The following BLVRA variants were observed in gnomAD, a reference collection of about 807,000 sequenced individuals.
BLVRA encodes the protein biliverdin reductase A, also known as BVR A.
BLVRA carries 22 observed loss-of-function variants against 32.8 expected under a neutral mutation model. That is an observed-to-expected ratio of 0.67 (90% CI 0.48 to 0.96). The LOEUF (loss-of-function observed/expected upper bound fraction) is 0.96. Among genes scored for constraint, BLVRA ranks in the 40% least tolerant of loss-of-function variants. BLVRA has a pLI of 0.00. For missense variants in BLVRA, 323 were observed against 358.1 expected (o/e 0.90, Z 0.79); for synonymous variants, 119 against 141.3 (o/e 0.84, Z 1.12).
chr7:43,790,963 G>A (rs550606693), intron 3 of BLVRA, among the ~76,000 whole-genome samples: 15 of 152,278 alleles, frequency 9.9e-5, no homozygotes, highest in Middle Eastern at 3.4e-3. Flanking sequence ...TTGAGCCACC[G>A]CGCCCAGCTG....
At chr7:43,796,515 A>C (rs1213447004) in intron 5 of BLVRA, among the ~76,000 whole-genome samples, 2 of 152,228 alleles carry the variant, frequency 1.3e-5, no homozygotes, top group African/African-American at 4.8e-5. Context: ...ATGCAAAAGA[A>C]TGAAGTTGGA....
chr7:43,807,139 G>C lies in BLVRA; in HGVS notation c.795G>C (p.Gln265His). Residue 265 changes from glutamine to histidine, a missense_variant, in exon 8 of 8, where the codon CAG (glutamine) becomes CAC (histidine). By Grantham distance (24) the Gln-to-His change is conservative. Coordinates refer to ENST00000265523, the MANE Select transcript of BLVRA (RefSeq NM_000712.4). Reference protein sequence around the residue: ...QNIFVQKLLGQFSEKELAAEK... With the variant: ...QNIFVQKLLGHFSEKELAAEK... Reference sequence around the variant, plus strand: ...TATTTGTCCAGAAACTCTTGGGCCAGTTCTCTGAGAAGGAACTGGCTGCTG... The same window carrying C: ...TATTTGTCCAGAAACTCTTGGGCCACTTCTCTGAGAAGGAACTGGCTGCTG... The C allele has an allele frequency of 6.2e-7, 1 of 1,614,100 alleles. No homozygotes were observed. The highest frequency in any genetic ancestry group is 8.5e-7 in the Non-Finnish European group (1 of 1,180,022).
At chr7:43,790,462 C>T (rs1022402552) in intron 3 of BLVRA, among the ~76,000 whole-genome samples, 2 of 152,058 alleles carry the variant, frequency 1.3e-5, no homozygotes, top group African/African-American at 4.8e-5. Flanking sequence ...CACAGACACA[C>T]ACACACACAA....
At chr7:43,797,155 C>T (rs1276240919) in intron 5 of BLVRA, among the ~76,000 whole-genome samples, 5 of 152,170 alleles carry the variant, frequency 3.3e-5, no homozygotes, top group Non-Finnish European at 1.5e-5. Context: ...TAGGCTTGAA[C>T]GCAGTGGCGC....
At chr7:43,772,895 T>G (rs2095756182) in intron 2 of BLVRA, among the ~76,000 whole-genome samples, 1 of 152,172 alleles carries the variant, frequency 6.6e-6, no homozygotes, top group African/African-American at 2.4e-5. Context: ...GAGATTTGGG[T>G]GGGGACACAA....
chr7:43,777,295 C>T (rs1464699435), intron 2 of BLVRA, among the ~76,000 whole-genome samples: 1 of 151,816 alleles, frequency 6.6e-6, no homozygotes, highest in African/African-American at 2.4e-5. Flanking sequence ...TGTTCCTTTC[C>T]ATGTTTAGTG....
chr7:43,787,986 C>G lies in BLVRA; in HGVS notation c.95C>G (p.Pro32Arg), dbSNP rs778261680. Residue 32 changes from proline to arginine, a missense_variant, in exon 3 of 8, where the codon CCT becomes CGT. Physicochemically the swap from Pro to Arg is moderately radical, Grantham distance 103. Transcript: ENST00000265523. The surrounding 1 kb of genome is among the most constrained non-coding windows in gnomAD (Gnocchi z 4.5). The part of the protein sequence containing the change: ...VRMRDLRNPH[P>R]SSAFLNLIGF... ...ATGAGGGACTTGCGGAATCCACACC[C>G]TTCCTCAGCGTTCCTGAACCTGATT... 3 of 1,614,172 alleles carry G rather than the reference C, an allele frequency of 1.9e-6. No homozygotes were observed. Among genetic ancestry groups the G allele is most frequent in the East Asian group, 4.5e-5 (2 of 44,888 alleles).
rs749713433 is a variant in BLVRA at position 43,771,158 on chromosome 7, G to C, written c.-1G>C. 19 of 1,613,946 alleles carry C rather than the reference G, an allele frequency of 1.2e-5. No individual in the cohort carries two copies. In the East Asian group the frequency reaches 4.2e-4, roughly 36 times the overall value. On this transcript the variant is annotated 5_prime_UTR_variant, in exon 2 of 8. Coordinates refer to ENST00000265523, the MANE Select transcript of BLVRA (RefSeq NM_000712.4). ...TACAGTGACCGAAGGAAGAGACCAA[G>C]ATGAATGCAGAGGTGAGTTCTTTAC...
intron 2 of BLVRA, among the ~76,000 whole-genome samples, chr7:43,777,075 A>G (rs1340081054): frequency 4.7e-4 from 70 of 150,438 alleles, no homozygotes; most frequent in Admixed American, 3.6e-3. Flanking sequence ...CAGCACACTG[A>G]TGGGTCTTGA....
chr7:43,806,889 A>G (rs2132602144), intron 7 of BLVRA, 88 bp from the exon 8 acceptor site: 1 of 1,494,630 alleles, frequency 6.7e-7, no homozygotes, highest in South Asian at 1.1e-5. Flanking sequence ...TGACAAGGAC[A>G]TGTTACCAGG....
intron 3 of BLVRA, among the ~76,000 whole-genome samples, chr7:43,790,247 C>G (rs192790700): frequency 1.3e-5 from 2 of 152,090 alleles, no homozygotes; most frequent in East Asian, 3.9e-4. Context: ...GGCTTTGGCT[C>G]TTCGAAGACT....
intron 5 of BLVRA, 134 bp downstream of exon 5, chr7:43,792,946 C>T (rs926480106): frequency 1.2e-6 from 1 of 838,762 alleles, no homozygotes. Context: ...ACTGCCTCCT[C>T]ACCCCCACAC....
intron 3 of BLVRA, 80 bp from the exon 4 acceptor site, chr7:43,791,169 C>T (rs747576668): frequency 3.9e-5 from 63 of 1,598,464 alleles, no homozygotes; most frequent in Non-Finnish European, 5.0e-5. Context: ...TCACCAGGAC[C>T]TGTCGGGAGG....
At chr7:43,804,310 G>A (rs754585600) in intron 7 of BLVRA, among the ~76,000 whole-genome samples, 13 of 152,146 alleles carry the variant, frequency 8.5e-5, no homozygotes, top group Non-Finnish European at 1.6e-4. Flanking sequence ...GTGTGGCGGT[G>A]CATGCCTGCA....
chr7:43,776,939 GT>G (rs1224577353), intron 2 of BLVRA, among the ~76,000 whole-genome samples: 1 of 152,100 alleles, frequency 6.6e-6, no homozygotes, highest in Non-Finnish European at 1.5e-5. Flanking sequence ...TTTAAATTCT[GT>G]TTTATCAGAG....
intron 2 of BLVRA, among the ~76,000 whole-genome samples, chr7:43,785,365 A>G (rs1766176018): frequency 6.6e-6 from 1 of 151,648 alleles, no homozygotes; most frequent in Non-Finnish European, 1.5e-5. Flanking sequence ...AAACAAGACT[A>G]GTAACCCAAA....
chr7:43,767,244 A>G (rs557203178), intron 1 of BLVRA: 31 of 758,446 alleles, frequency 4.1e-5, no homozygotes, highest in Non-Finnish European at 6.3e-5. Flanking sequence ...TAGAAAAGAA[A>G]AGCAAGTAGC....
chr7:43,804,504 C>G (rs1284746233), intron 7 of BLVRA, among the ~76,000 whole-genome samples: 1 of 152,068 alleles, frequency 6.6e-6, no homozygotes, highest in African/African-American at 2.4e-5. Context: ...CCTGTGTTTT[C>G]TTATGAAAGT....
Position 43,785,972 on chromosome 7 carries a change from AG to A in BLVRA, c.13-1928del, listed in dbSNP as rs200423963. 7.1e-3 allele frequency among the ~76,000 whole-genome samples: 1,087 copies of A among 152,332 alleles called. 11 individuals are homozygous for A. Among genetic ancestry groups the A allele is most frequent in the African/African-American group, 0.025 (1,030 of 41,562 alleles). ...TTAATCCAAAATAAGGCAGGAAAAGAGGGGAAAAAGAACAGATTGAACAAAT... is the reference window on the plus strand; with the variant it reads ...TTAATCCAAAATAAGGCAGGAAAAGAGGGAAAAAGAACAGATTGAACAAAT... On this transcript the variant is annotated intron_variant, in intron 2 of 7. Transcript: ENST00000265523.
Sources: allele counts gnomAD v4.1 joint callset (sites outside exome capture counted in the v4.1 genomes callset), GRCh38; gene constraint gnomAD v4.1.1; non-coding constraint Gnocchi (gnomAD v3.1); transcripts MANE v1.5; gene names NCBI Gene and HGNC (gene_info 2026-07-23, HGNC 2026-07-21).